The following TRDN variants were observed in gnomAD, a reference collection of about 807,000 sequenced individuals.
The protein encoded by TRDN is triadin.
A neutral mutation model predicts 149.7 loss-of-function variants in TRDN; 161 were observed. The ratio of observed to expected loss-of-function variants is 1.08; its 90% CI spans 0.95 to 1.23. The LOEUF (loss-of-function observed/expected upper bound fraction) is 1.23, where lower values mean the gene tolerates loss of function less well. Ranked by LOEUF, TRDN falls within the 50% of genes most tolerant of loss-of-function variation. The pLI, the probability that TRDN is intolerant of heterozygous loss-of-function variation, is 0.00. For synonymous variants in TRDN, 294 were observed against 250.5 expected (o/e 1.17, Z -1.64); for missense variants, 896 against 823.5 (o/e 1.09, Z -1.08).
intron 1 of TRDN, among the ~76,000 whole-genome samples, chr6:123,633,250 C>T (rs1407273976): frequency 6.6e-6 from 1 of 152,044 alleles, no homozygotes; most frequent in Non-Finnish European, 1.5e-5. Flanking sequence ...AGCCCTAAAC[C>T]TGTGTGCTGT....
At chr6:123,565,749 G>A (rs1782257691) in intron 2 of TRDN, among the ~76,000 whole-genome samples, 1 of 152,174 alleles carries the variant, frequency 6.6e-6, no homozygotes, top group Non-Finnish European at 1.5e-5. Flanking sequence ...CATCTCCAGC[G>A]CACACTGGGC....
At chr6:123,507,366 A>G (rs1459764421) in intron 7 of TRDN, among the ~76,000 whole-genome samples, 3 of 152,142 alleles carry the variant, frequency 2.0e-5, no homozygotes, top group Non-Finnish European at 4.4e-5. Flanking sequence ...AGGTAGAACC[A>G]CATATATAGC....
rs546967320 is a variant in TRDN at position 123,471,587 on chromosome 6, T to A, written c.854-6604A>T. ...CTTAAACTTCTTAGATCAAAGGACATCCTCCAGGCCAAAATGTTTCCACTG... is the reference window on the plus strand; with the variant it reads ...CTTAAACTTCTTAGATCAAAGGACAACCTCCAGGCCAAAATGTTTCCACTG... On this transcript the variant is annotated intron_variant, in intron 9 of 40. Transcript: ENST00000334268. 7.2e-5 allele frequency: 11 copies of A among 152,296 alleles called. No individual in the cohort carries two copies. The South Asian group carries it at 2.3e-3, about 32-fold the overall frequency. The allele number at this position is 152,296 out of a possible 1,614,324, so 9.4% of individuals were successfully genotyped here. A position where few individuals can be genotyped will look rare whatever the true frequency, so the allele number is the denominator to read the frequency against.
At chr6:123,508,555 C>A (rs983073997) in intron 7 of TRDN, among the ~76,000 whole-genome samples, 1 of 152,150 alleles carries the variant, frequency 6.6e-6, no homozygotes, top group African/African-American at 2.4e-5. Context: ...CCTCACTCAA[C>A]TTCTCTTTTC....
At chr6:123,444,029 T>C (rs1247886820) in intron 10 of TRDN, among the ~76,000 whole-genome samples, 1 of 150,338 alleles carries the variant, frequency 6.7e-6, no homozygotes, top group Non-Finnish European at 1.5e-5. Flanking sequence ...ATATGAACTT[T>C]AAAGTAGTTT....
chr6:123,618,654 T>C (rs967993995), intron 1 of TRDN, among the ~76,000 whole-genome samples: 6 of 152,228 alleles, frequency 3.9e-5, no homozygotes, highest in African/African-American at 4.8e-5. Context: ...GAGCACTCTC[T>C]TATGCACAGT....
chr6:123,498,651 A>T (rs1049416053), intron 8 of TRDN: 13 of 470,044 alleles, frequency 2.8e-5, no homozygotes, highest in Middle Eastern at 6.5e-4. Context: ...GAACCCTATG[A>T]TTGGGAAAGA....
At chr6:123,263,789 A>G (rs891028994) in intron 33 of TRDN, among the ~76,000 whole-genome samples, 9 of 152,100 alleles carry the variant, frequency 5.9e-5, no homozygotes, top group African/African-American at 2.2e-4. Flanking sequence ...TTGAAGTTGA[A>G]GCCAATGCTT....
intron 38 of TRDN, among the ~76,000 whole-genome samples, chr6:123,248,704 T>C (rs1015373041): frequency 2.6e-5 from 4 of 152,002 alleles, no homozygotes; most frequent in Non-Finnish European, 4.4e-5. Context: ...AGACCAACTG[T>C]AGCAAAATTT....
chr6:123,581,442 G>A (rs1277474759), intron 1 of TRDN, among the ~76,000 whole-genome samples: 1 of 152,136 alleles, frequency 6.6e-6, no homozygotes, highest in Non-Finnish European at 1.5e-5. Context: ...ACTTAGCATA[G>A]CACATTTTGC....
chr6:123,299,234 G>GTTTGGAAT (rs1778315983), intron 24 of TRDN, among the ~76,000 whole-genome samples: 1 of 152,088 alleles, frequency 6.6e-6, no homozygotes, highest in Non-Finnish European at 1.5e-5. Flanking sequence ...TCAGGATATT[G>GTTTGGAAT]GTTAGGGCAT....
intron 35 of TRDN, among the ~76,000 whole-genome samples, chr6:123,256,862 C>G (rs1238487932): frequency 6.6e-6 from 1 of 152,084 alleles, no homozygotes; most frequent in Non-Finnish European, 1.5e-5. Context: ...GCTGCAAATG[C>G]TTTAGCTGTT....
chr6:123,338,556 G>GT (rs1470651947), intron 21 of TRDN, among the ~76,000 whole-genome samples: 3 of 152,158 alleles, frequency 2.0e-5, no homozygotes, highest in Non-Finnish European at 4.4e-5. Flanking sequence ...CCAACAGCTA[G>GT]TATCAACTGC....
chr6:123,625,009 C>G (rs141071177), intron 1 of TRDN, among the ~76,000 whole-genome samples: 1 of 151,970 alleles, frequency 6.6e-6, no homozygotes, highest in African/African-American at 2.4e-5. Context: ...AAGTTGGTAT[C>G]CCAGTCATCC....
Position 123,382,163 on chromosome 6 carries a change from T to C in TRDN, c.1136-16A>G. 1 of 1,483,702 alleles carries C rather than the reference T, an allele frequency of 6.7e-7. No individual in the cohort carries two copies. Among genetic ancestry groups the C allele is most frequent in the Non-Finnish European group, 9.0e-7 (1 of 1,109,372 alleles). 91.9% of individuals were successfully genotyped at this position (1,483,702 alleles called of 1,614,324 possible). ...TTCTTGGAATCTGAAAACACAAAGA[T>C]AAATTATTAATAAAACAGATACAAT... On this transcript the variant is annotated splice_polypyrimidine_tract_variant and intron_variant, in intron 14 of 40. Coordinates refer to ENST00000334268, the MANE Select transcript of TRDN (RefSeq NM_006073.4).
rs1301500052 is a variant in TRDN at position 123,388,528 on chromosome 6, T to C, written c.1129A>G (p.Lys377Glu). The change falls in exon 14 of 41, where the codon AAG becomes GAG. Residue 377 changes from lysine (K) to glutamate (E), a missense_variant. Transcript: ENST00000334268. Reference protein sequence around the residue: ...AQAAAKKDEKKEDSKKTKKPA... With the variant: ...AQAAAKKDEKEEDSKKTKKPA... ...GATTTTGCATAAAACATACCTTCCT[T>C]CTTTTCATCCTTCTTAGCTGCTGCT... is the stretch of plus-strand genomic sequence containing the variant. 1 of 1,587,468 alleles carries C rather than the reference T, an allele frequency of 6.3e-7. No homozygotes were observed. The highest frequency in any genetic ancestry group is 1.7e-4 in the Middle Eastern group (1 of 6,016).
chr6:123,386,545 G>A (rs1781912372), intron 14 of TRDN, among the ~76,000 whole-genome samples: 1 of 152,148 alleles, frequency 6.6e-6, no homozygotes, highest in African/African-American at 2.4e-5. Context: ...GTTTTGGTAG[G>A]ATGCTTTGTG....
intron 24 of TRDN, among the ~76,000 whole-genome samples, chr6:123,302,596 T>C (rs1257551105): frequency 1.3e-5 from 2 of 151,956 alleles, no homozygotes; most frequent in African/African-American, 4.8e-5. Flanking sequence ...ATTCAACAGA[T>C]AGGGATAATG....
intron 32 of TRDN, among the ~76,000 whole-genome samples, chr6:123,265,554 CT>C (rs1776914330): frequency 6.6e-6 from 1 of 151,190 alleles, no homozygotes; most frequent in South Asian, 2.1e-4. Flanking sequence ...AGTATGGAAT[CT>C]TTTTTGGTCT....
Sources: allele counts gnomAD v4.1 joint callset (sites outside exome capture counted in the v4.1 genomes callset), GRCh38; gene constraint gnomAD v4.1.1; transcripts MANE v1.5; gene names NCBI Gene and HGNC (gene_info 2026-07-23, HGNC 2026-07-21).